Variants in ROBO1 observed in about 807,000 individuals in gnomAD.
The protein encoded by ROBO1 is roundabout homolog 1.
ROBO1 carries 149 observed loss-of-function variants against 195.9 expected under a neutral mutation model. The ratio of observed to expected loss-of-function variants is 0.76; its 90% CI spans 0.67 to 0.87. The LOEUF (loss-of-function observed/expected upper bound fraction) is 0.87, where lower values mean the gene tolerates loss of function less well. Ranked by LOEUF, ROBO1 falls within the 40% of genes least tolerant of loss-of-function variation. ROBO1 has a pLI of 0.00. For missense variants in ROBO1, 1,933 were observed against 2,068.3 expected (o/e 0.93, Z 1.27); for synonymous variants, 816 against 733.2 (o/e 1.11, Z -1.82).
At chr3:79,705,971 T>C (rs1947758387) in intron 1 of ROBO1, among the ~76,000 whole-genome samples, 2 of 152,172 alleles carry the variant, frequency 1.3e-5, no homozygotes, top group African/African-American at 4.8e-5. Context: ...ACTTGTTCTT[T>C]GCTGGCATAT....
intron 14 of ROBO1, among the ~76,000 whole-genome samples, chr3:78,665,399 G>T (rs1707672375): frequency 6.6e-6 from 1 of 152,126 alleles, no homozygotes; most frequent in Non-Finnish European, 1.5e-5. Flanking sequence ...GCTGTCTTTA[G>T]TCTATCCTTT....
chr3:78,875,029 G>T (rs2035757666), intron 4 of ROBO1, among the ~76,000 whole-genome samples: 1 of 151,962 alleles, frequency 6.6e-6, no homozygotes, highest in East Asian at 1.9e-4. Context: ...CATAGATGAG[G>T]TGTGTAGAAC....
intron 2 of ROBO1, among the ~76,000 whole-genome samples, chr3:79,244,312 A>T (rs569371133): frequency 6.6e-6 from 1 of 152,134 alleles, no homozygotes; most frequent in African/African-American, 2.4e-5. Flanking sequence ...CACTTAATGA[A>T]TATTATGCAA....
At chr3:79,680,071 T>A (rs1301747737) in intron 1 of ROBO1, among the ~76,000 whole-genome samples, 2 of 152,048 alleles carry the variant, frequency 1.3e-5, no homozygotes, top group African/African-American at 4.8e-5. Flanking sequence ...TCATCACTAG[T>A]TAGCTAGTGA....
chr3:79,710,343 ATAATCT>A (rs1352432275), intron 1 of ROBO1, among the ~76,000 whole-genome samples: 2 of 151,708 alleles, frequency 1.3e-5, no homozygotes, highest in East Asian at 3.9e-4. Flanking sequence ...ATTTACACAA[ATAATCT>A]TAAAGCAGCC....
rs1014164337 is a variant in ROBO1 at position 78,969,475 on chromosome 3, G to A, written c.173-30548C>T. On this transcript the variant is annotated intron_variant, in intron 3 of 30. Transcript: ENST00000464233. The stretch of plus-strand genomic sequence containing the variant: ...GTTGGAAACATGATAGCAGAGTAAG[G>A]TTGACAATAACATATTTTATCCTGA... Among the ~76,000 whole-genome samples the A allele has an allele frequency of 2.0e-5, 3 of 152,138 alleles. No individual in the cohort carries two copies. The South Asian group carries it at 6.2e-4, about 32-fold the overall frequency.
At chr3:79,491,235 T>C (rs1201446279) in intron 2 of ROBO1, among the ~76,000 whole-genome samples, 1 of 151,264 alleles carries the variant, frequency 6.6e-6, no homozygotes, top group Non-Finnish European at 1.5e-5. Flanking sequence ...TTTTTTTTTT[T>C]TTCCAGTTTT....
intron 5 of ROBO1, among the ~76,000 whole-genome samples, chr3:78,740,446 C>CTTT (rs10576855): frequency 7.2e-6 from 1 of 139,104 alleles, no homozygotes; most frequent in African/African-American, 2.7e-5. Context: ...TCTTATTTTT[C>CTTT]TTTTTTTCTT....
At chr3:79,642,460 A>G (rs1354189528) in intron 1 of ROBO1, among the ~76,000 whole-genome samples, 3 of 152,136 alleles carry the variant, frequency 2.0e-5, no homozygotes, top group Non-Finnish European at 4.4e-5. Context: ...CCAAATAACT[A>G]CCCCAAAAAT....
chr3:78,673,605 T>TATATAC (rs779997525), intron 10 of ROBO1, among the ~76,000 whole-genome samples: 1,988 of 51,602 alleles, frequency 0.039, 31 homozygotes, highest in Non-Finnish European at 0.052. Flanking sequence ...TATATATATA[T>TATATAC]ACACACATAT....
At chr3:79,405,017 G>T (rs933771456) in intron 2 of ROBO1, among the ~76,000 whole-genome samples, 2 of 151,734 alleles carry the variant, frequency 1.3e-5, no homozygotes, top group Admixed American at 6.6e-5. Flanking sequence ...GCCTTGAATT[G>T]GACTCACTGC....
intron 2 of ROBO1, among the ~76,000 whole-genome samples, chr3:79,224,358 C>G (rs2082190173): frequency 6.6e-6 from 1 of 152,182 alleles, no homozygotes; most frequent in African/African-American, 2.4e-5. Context: ...TTTGCAGTTG[C>G]TGAGTCTGGG....
chr3:79,569,796 C>T (rs7615611), intron 2 of ROBO1, among the ~76,000 whole-genome samples: 22,387 of 151,554 alleles, frequency 0.15, 2,118 homozygotes, highest in African/African-American at 0.26. Flanking sequence ...TTGAGGTAAA[C>T]TGAAAGATAA....
At chr3:78,724,105 A>C (rs998785100) in intron 5 of ROBO1, among the ~76,000 whole-genome samples, 3 of 152,182 alleles carry the variant, frequency 2.0e-5, no homozygotes, top group African/African-American at 7.2e-5. Flanking sequence ...AACTGGTAAA[A>C]GTGAAAGAAC....
At chr3:78,991,516 A>T (rs187254384) in intron 3 of ROBO1, among the ~76,000 whole-genome samples, 154 of 152,288 alleles carry the variant, frequency 1.0e-3, no homozygotes, top group African/African-American at 3.3e-3. Context: ...ATTTACCTCC[A>T]GCAAAAATAG....
chr3:78,836,990 A>G (rs2032797074), intron 4 of ROBO1, among the ~76,000 whole-genome samples: 1 of 152,188 alleles, frequency 6.6e-6, no homozygotes, highest in African/African-American at 2.4e-5. Flanking sequence ...TCATCTGCTC[A>G]TCACATCTTC....
chr3:79,018,641 A>G, intron 3 of ROBO1: 2 of 1,423,964 alleles, frequency 1.4e-6, no homozygotes, highest in Non-Finnish European at 1.8e-6. Context: ...TCAGTATCTC[A>G]GAGACTTTTG....
chr3:78,926,873 C>G (rs971553420), intron 4 of ROBO1, among the ~76,000 whole-genome samples: 1 of 152,112 alleles, frequency 6.6e-6, no homozygotes, highest in Non-Finnish European at 1.5e-5. Flanking sequence ...TATGGCCTAT[C>G]TCAGGCATTA....
intron 2 of ROBO1, among the ~76,000 whole-genome samples, chr3:79,264,061 C>T (rs2082989391): frequency 6.6e-6 from 1 of 152,046 alleles, no homozygotes; most frequent in Non-Finnish European, 1.5e-5. Context: ...AGCTTTCACA[C>T]ATGCCCTATT....
Sources: gnomAD v4.1 joint callset for allele counts (sites outside exome capture counted in the v4.1 genomes callset) on GRCh38, gnomAD v4.1.1 for gene constraint, MANE v1.5 for transcripts, NCBI Gene and HGNC (gene_info 2026-07-23, HGNC 2026-07-21) for gene names.